The following NT5DC1 variants were observed in gnomAD, a reference collection of about 807,000 sequenced individuals.
NT5DC1 encodes 5'-nucleotidase domain containing 1.
A neutral mutation model predicts 59.4 loss-of-function variants in NT5DC1; 42 were observed. The observed-to-expected ratio is 0.71, with a 90% CI of 0.55 to 0.92. The LOEUF (loss-of-function observed/expected upper bound fraction) is 0.92, where lower values mean the gene tolerates loss of function less well. NT5DC1 is among the 40% of genes least tolerant of loss of function. The pLI, the probability that NT5DC1 is intolerant of heterozygous loss-of-function variation, is 0.00. For synonymous variants in NT5DC1, 172 were observed against 188.1 expected, an observed-to-expected ratio of 0.91 and a Z score of 0.70; for missense variants, 501 against 537.1, an observed-to-expected ratio of 0.93 and a Z score of 0.66.
chr6:116,225,924 G>A (rs543032950), intron 8 of NT5DC1, among the ~76,000 whole-genome samples: 14 of 152,234 alleles, frequency 9.2e-5, no homozygotes, highest in African/African-American at 2.4e-4. Flanking sequence ...TTTGGTTGTC[G>A]CAACTTTGGA....
At chr6:116,185,707 T>A (rs995788787) in intron 6 of NT5DC1, among the ~76,000 whole-genome samples, 7 of 152,130 alleles carry the variant, frequency 4.6e-5, no homozygotes, top group African/African-American at 1.7e-4. Flanking sequence ...TTGGTATACA[T>A]TTGCATGGAA....
At position 116,170,728 on chromosome 6, in the gene NT5DC1, A is replaced by T. The variant is rs1780585066; in HGVS notation, c.530-50326A>T. 2.0e-5 allele frequency among the ~76,000 whole-genome samples: 3 copies of T among 152,322 alleles called. No homozygotes were observed. In the South Asian group the frequency reaches 6.2e-4, roughly 32 times the overall value. On this transcript the variant is annotated intron_variant, in intron 6 of 11. Transcript: ENST00000319550. The stretch of plus-strand genomic sequence containing the variant: ...CCTACCCCAAAATTCAGCCTTAGCA[A>T]ACTGCTTGCTTGCTGGTACTAGGAA...
chr6:116,139,670 A>G (rs77858475), intron 6 of NT5DC1, among the ~76,000 whole-genome samples: 4,453 of 152,230 alleles, frequency 0.029, 245 homozygotes, highest in African/African-American at 0.1. Flanking sequence ...TTGATTTGCA[A>G]ATTACACATG....
intron 6 of NT5DC1, among the ~76,000 whole-genome samples, chr6:116,147,271 G>A (rs1582833942): frequency 2.0e-5 from 3 of 151,542 alleles, no homozygotes; most frequent in Admixed American, 1.3e-4. Flanking sequence ...GTGAAATCCC[G>A]ACTCTACTAA....
rs183771867 is a variant in NT5DC1 at position 116,115,257 on chromosome 6, A to G, written c.365-434A>G. ...AAATTAAATGGCATAAAAATAGAAT[A>G]CAGTACTCTAGGAGGGGTCAGCCAA... On this transcript the variant is annotated intron_variant, in intron 4 of 11. Transcript: ENST00000319550. Among the ~76,000 whole-genome samples the G allele has an allele frequency of 2.6e-3, 400 of 152,238 alleles. 10 individuals carry two copies. The South Asian group carries it at 0.044, about 17-fold the overall frequency.
chr6:116,188,935 A>G (rs1386609299), intron 6 of NT5DC1, among the ~76,000 whole-genome samples: 9 of 151,950 alleles, frequency 5.9e-5, no homozygotes, highest in Non-Finnish European at 1.3e-4. Flanking sequence ...TGCAGAGTGG[A>G]GTTTAATTTA....
chr6:116,165,624 A>AC (rs1282810044), intron 6 of NT5DC1, among the ~76,000 whole-genome samples: 2 of 152,206 alleles, frequency 1.3e-5, no homozygotes, highest in Non-Finnish European at 2.9e-5. Context: ...GCAGGAGATG[A>AC]CCCCCCTCTA....
At chr6:116,207,268 T>C (rs1781473200) in intron 6 of NT5DC1, among the ~76,000 whole-genome samples, 1 of 151,044 alleles carries the variant, frequency 6.6e-6, no homozygotes. Flanking sequence ...GGAAAAAATA[T>C]TTCTGTACCT....
At chr6:116,233,431 A>G (rs979295368) in intron 8 of NT5DC1, among the ~76,000 whole-genome samples, 2 of 152,196 alleles carry the variant, frequency 1.3e-5, no homozygotes, top group East Asian at 3.8e-4. Context: ...AAGATGCCAT[A>G]GGAGGTTGGC....
intron 5 of NT5DC1, 84 bp from the exon 6 acceptor site, chr6:116,117,777 T>C (rs1246922866): frequency 1.4e-5 from 10 of 731,310 alleles, no homozygotes; most frequent in Non-Finnish European, 2.2e-5. Context: ...AGGGACTGTC[T>C]GCATTGTAAT....
intron 6 of NT5DC1, among the ~76,000 whole-genome samples, chr6:116,189,571 G>T (rs1427554224): frequency 6.6e-6 from 1 of 151,964 alleles, no homozygotes; most frequent in Non-Finnish European, 1.5e-5. Flanking sequence ...AGTTGTGCTT[G>T]AGACTACTGG....
rs542540726 is a variant in NT5DC1, at chr6:116,249,045, A to C, written c.*5021A>C. The C allele has an allele frequency of 6.6e-6, 1 of 152,348 alleles. No homozygotes were observed. Among genetic ancestry groups the C allele is most frequent in the African/African-American group, 2.4e-5 (1 of 41,584 alleles). The allele number at this position is 152,348 out of a possible 1,614,324, so 9.4% of individuals were successfully genotyped here. A position where few individuals can be genotyped will look rare whatever the true frequency, so the allele number is the denominator to read the frequency against. ...ATTACATCCAGAACAGGCATAGAAA[A>C]GGTATAATAAAGCTTGAAACAGGTG... On this transcript the variant is annotated 3_prime_UTR_variant, in exon 12 of 12. Transcript: ENST00000319550.
chr6:116,120,787 ACCTCTTGGGCCAG>A (rs1323730431), intron 6 of NT5DC1: 1 of 1,613,292 alleles, frequency 6.2e-7, no homozygotes, highest in Non-Finnish European at 8.5e-7. Flanking sequence ...TTCCAGGGGC[ACCTCTTGGGCCAG>A]CCTCTCCATT....
At chr6:116,145,570 A>C (rs934242173) in intron 6 of NT5DC1, 1 of 237,940 alleles carries the variant, frequency 4.2e-6, no homozygotes, top group Non-Finnish European at 9.4e-6. Flanking sequence ...ATTATTCTTG[A>C]GATTGTTTTC....
chr6:116,145,221 A>C (rs1414593455), intron 6 of NT5DC1, among the ~76,000 whole-genome samples: 1 of 152,178 alleles, frequency 6.6e-6, no homozygotes, highest in Non-Finnish European at 1.5e-5. Context: ...GATAACAGCT[A>C]ACTATTAAAT....
chr6:116,216,449 T>C (rs1390684407), intron 6 of NT5DC1, among the ~76,000 whole-genome samples: 1 of 151,922 alleles, frequency 6.6e-6, no homozygotes, highest in Non-Finnish European at 1.5e-5. Flanking sequence ...TCAGAATTTT[T>C]GGAGTAGGGC....
chr6:116,220,937 C>G, intron 6 of NT5DC1, 117 bp from the exon 7 acceptor site: 1 of 594,008 alleles, frequency 1.7e-6, no homozygotes. Context: ...TCGGTCAAAC[C>G]TTGTTCTTAT....
chr6:116,154,294 G>A (rs547847408), intron 6 of NT5DC1, among the ~76,000 whole-genome samples: 28 of 152,094 alleles, frequency 1.8e-4, no homozygotes, highest in South Asian at 4.1e-4. Context: ...AGTAGGTTTC[G>A]TCTAGCTTAA....
chr6:116,239,188 C>A lies in NT5DC1; in HGVS notation c.1252+65C>A, dbSNP rs560446702. 6.7e-5 allele frequency: 80 copies of A among 1,191,794 alleles called. No homozygotes were observed. In the East Asian group the frequency reaches 1.9e-3, roughly 28 times the overall value. The allele number at this position is 1,191,794 out of a possible 1,614,324, so 73.8% of individuals were successfully genotyped here. A position where few individuals can be genotyped will look rare whatever the true frequency, so the allele number is the denominator to read the frequency against. ...GACAATAATGACCAGTACTAGAATT[C>A]TTGTCTTTAAGAAAAAGAAATGTTG... On this transcript the variant is annotated intron_variant, in intron 11 of 11. Coordinates refer to ENST00000319550, the MANE Select transcript of NT5DC1 (RefSeq NM_152729.3).
Sources: gnomAD v4.1 joint callset for allele counts (sites outside exome capture counted in the v4.1 genomes callset) on GRCh38, gnomAD v4.1.1 for gene constraint, MANE v1.5 for transcripts, NCBI Gene and HGNC (gene_info 2026-07-23, HGNC 2026-07-21) for gene names.